The following BSN variants were observed in gnomAD, a reference collection of about 807,000 sequenced individuals.
The protein encoded by BSN is protein bassoon.
BSN carries 57 observed loss-of-function variants against 264.8 expected under a neutral mutation model. That is an observed-to-expected ratio of 0.22 (90% confidence interval 0.17 to 0.27). The LOEUF (loss-of-function observed/expected upper bound fraction) is 0.27. Ranked by LOEUF, BSN falls within the 10% of genes least tolerant of loss-of-function variation. The probability of loss-of-function intolerance (pLI) is 1.00; values close to 1 mark genes in which losing one functional copy is unlikely to be tolerated. For synonymous variants in BSN, 2,059 were observed against 2,137.3 expected (o/e 0.96, Z 1.01); for missense variants, 4,615 against 5,232.5 (o/e 0.88, Z 3.64).
chr3:49,655,475 A>T lies in BSN; in HGVS notation c.5919A>T (p.Pro1973=). 1 of 1,588,234 alleles carries T rather than the reference A, an allele frequency of 6.3e-7. No individual in the cohort carries two copies. Among genetic ancestry groups the T allele is most frequent in the Non-Finnish European group, 8.6e-7 (1 of 1,165,084 alleles). ...CCCATGAGGAGCAGAGGCCCTACCC[A>T]CAAGGCCTGCCTGGTAGGCTGTACT... ...PGPHEEQRPY[P]QGLPGRLYSS... is the part of the protein sequence containing the mutation. Residue 1973 remains proline, a synonymous_variant, in exon 5 of 12, where the codon CCA becomes CCT. Transcript: ENST00000296452.
rs191641206 is a variant in BSN, at chr3:49,618,902, T to A, written c.225-6073T>A. Among the ~76,000 whole-genome samples, 310 of 152,306 alleles carry A rather than the reference T, an allele frequency of 2.0e-3. 7 individuals carry two copies. In the East Asian group the frequency reaches 0.04, roughly 20 times the overall value. Reference sequence around the variant, plus strand: ...CTGGACTCCTATATGAATCATTTTTTAAAAAAATATTTTAATTAAATATTA... The same window carrying A: ...CTGGACTCCTATATGAATCATTTTTAAAAAAAATATTTTAATTAAATATTA... On this transcript the variant is annotated intron_variant, in intron 1 of 11. Coordinates refer to ENST00000296452, the MANE Select transcript of BSN (RefSeq NM_003458.4).
chr3:49,657,238 G>C lies in BSN; in HGVS notation c.7682G>C (p.Arg2561Pro). 6.2e-7 allele frequency: 1 copy of C among 1,613,500 alleles called. No individual in the cohort carries two copies. The highest frequency in any genetic ancestry group is 8.5e-7 in the Non-Finnish European group (1 of 1,180,038). ...ATCAAGAAGCGGCACTCCATGCCAC[G>C]CCTGCGGGATGCCTGTGAGCTAGAG... is the stretch of plus-strand genomic sequence containing the variant. Reference protein sequence around the residue: ...SGIKKRHSMPRLRDACELESG... With the variant: ...SGIKKRHSMPPLRDACELESG... Residue 2561 changes from arginine (R) to proline (P), a missense_variant, in exon 5 of 12, where the codon CGC (arginine) becomes CCC (proline). Coordinates refer to ENST00000296452, the MANE Select transcript of BSN (RefSeq NM_003458.4).
rs1158194794 is a variant in BSN at position 49,554,665 on chromosome 3, C to CGGCCCCGGCCCG, written c.75_86dup (p.Pro29_Gly32dup). The CGGCCCCGGCCCG allele has an allele frequency of 2.0e-5, 20 of 991,006 alleles. No homozygotes were observed. Among genetic ancestry groups the CGGCCCCGGCCCG allele is most frequent in the Non-Finnish European group, 2.0e-5 (17 of 834,374 alleles). 61.4% of individuals were successfully genotyped at this position (991,006 alleles called of 1,614,324 possible). ...ACGGGCCGCTGCCGCCCGGCGGCGC[C>CGGCCCCGGCCCG]GGCCCCGGCCCGGGCCCCGGCCCCG... On this transcript the variant is annotated inframe_insertion, in exon 1 of 12. Transcript: ENST00000296452.
chr3:49,595,507 A>G (rs1421479020), intron 1 of BSN, among the ~76,000 whole-genome samples: 2 of 149,148 alleles, frequency 1.3e-5, no homozygotes, highest in Non-Finnish European at 3.0e-5. Context: ...TTTTTTTTTT[A>G]AAGAGACAGT....
chr3:49,609,198 C>T (rs1041309304), intron 1 of BSN, among the ~76,000 whole-genome samples: 4 of 149,646 alleles, frequency 2.7e-5, no homozygotes, highest in African/African-American at 9.9e-5. Context: ...ACCTCCTAGG[C>T]TCAAGGGATC....
Position 49,556,918 on chromosome 3 carries a change from T to C in BSN, c.224+2092T>C, listed in dbSNP as rs149012287. 5.9e-5 allele frequency among the ~76,000 whole-genome samples: 9 copies of C among 152,300 alleles called. No individual in the cohort carries two copies. The East Asian group carries it at 9.7e-4, about 16-fold the overall frequency. ...AATTTCGGGGCAGTCAGAAACCTCA[T>C]AGAGGTGGGTAGAAGGCCAGGTAAA... On this transcript the variant is annotated intron_variant, in intron 1 of 11. Transcript: ENST00000296452.
intron 11 of BSN, among the ~76,000 whole-genome samples, chr3:49,665,871 T>G (rs2108101819): frequency 6.6e-6 from 1 of 152,316 alleles, no homozygotes; most frequent in African/African-American, 2.4e-5. Context: ...CTAAGTCAGC[T>G]CAGGGAGAGG....
rs996735891 is a variant in BSN, at chr3:49,585,152, A to C, written c.224+30326A>C. ...TTGATTTCCTTTCTTTTGGGTGGAT[A>C]CCCAGTGGTGGGATTGATGGATCAT... On this transcript the variant is annotated intron_variant, in intron 1 of 11. Coordinates refer to ENST00000296452, the MANE Select transcript of BSN (RefSeq NM_003458.4). This position sits in a 1 kb window ranked among gnomAD's most constrained non-coding sequence, Gnocchi z 4.7. Among the ~76,000 whole-genome samples the C allele has an allele frequency of 9.9e-5, 15 of 151,566 alleles. No individual in the cohort carries two copies. The highest frequency in any genetic ancestry group is 2.2e-4 in the Non-Finnish European group (15 of 67,916).
chr3:49,672,634 C>T (rs1235448491), downstream of BSN, among the ~76,000 whole-genome samples: 2 of 151,690 alleles, frequency 1.3e-5, no homozygotes, highest in African/African-American at 4.8e-5. Context: ...GCGCGTGCCA[C>T]CCAGCCCGGC....
intron 1 of BSN, among the ~76,000 whole-genome samples, chr3:49,567,514 C>T (rs1367221490): frequency 6.6e-6 from 1 of 152,230 alleles, no homozygotes; most frequent in African/African-American, 2.4e-5. Flanking sequence ...CAGTGTGTCT[C>T]TCATCTTCCC....
intron 1 of BSN, among the ~76,000 whole-genome samples, chr3:49,562,917 T>C (rs1316387164): frequency 6.6e-6 from 1 of 152,152 alleles, no homozygotes. Context: ...GCACGTTGGG[T>C]ATGTCCTTGG....
intron 1 of BSN, among the ~76,000 whole-genome samples, chr3:49,590,298 T>A (rs908595294): frequency 1.3e-5 from 2 of 152,166 alleles, no homozygotes; most frequent in Admixed American, 6.5e-5. Flanking sequence ...ATATGTCCTT[T>A]AGATAGCCTT....
Position 49,662,356 on chromosome 3 carries a change from A to G in BSN, c.10511A>G (p.Glu3504Gly). The G allele has an allele frequency of 1.2e-6, 2 of 1,613,420 alleles. No homozygotes were observed. The highest frequency in any genetic ancestry group is 1.7e-6 in the Non-Finnish European group (2 of 1,179,716). The stretch of plus-strand genomic sequence containing the variant: ...CCCATGCGGAGCCAGGCCTCTGAAG[A>G]GGAGAGCCCCGTCAGTCCTTTGGGG... ...RPPMRSQASE[E>G]ESPVSPLGRP... The change falls in exon 6 of 12, where the codon GAG becomes GGG. Residue 3504 changes from glutamate (E) to glycine (G), a missense_variant. By Grantham distance (98) the Glu-to-Gly change is moderately conservative (BLOSUM62 -2). Coordinates refer to ENST00000296452, the MANE Select transcript of BSN (RefSeq NM_003458.4).
chr3:49,563,033 C>G (rs1428360649), intron 1 of BSN, among the ~76,000 whole-genome samples: 2 of 152,130 alleles, frequency 1.3e-5, no homozygotes, highest in African/African-American at 4.8e-5. Context: ...GGTGATGCTT[C>G]CCATTTTTCT....
Position 49,624,980 on chromosome 3 carries a change from C to G in BSN, c.230C>G (p.Ser77Cys). Residue 77 changes from serine (S) to cysteine (C), a missense_variant, in exon 2 of 12, where the codon TCC (serine) becomes TGC (cysteine). Around this residue, in one of 3 missense-constraint regions of BSN, gnomAD observed 1,197 missense variants for 1,348.0 expected, o/e 0.89. Coordinates refer to ENST00000296452, the MANE Select transcript of BSN (RefSeq NM_003458.4). The part of the protein sequence containing the change: ...PGPGPGPGST[S>C]RRLDPKEPLG... ...CATTTTCAATGTCATTTCAGCACTT[C>G]CCGGAGACTGGACCCCAAGGAACCC... is the stretch of plus-strand genomic sequence containing the variant. The G allele has an allele frequency of 6.6e-7, 1 of 1,514,572 alleles. No individual in the cohort carries two copies. The highest frequency in any genetic ancestry group is 1.3e-5 in the South Asian group (1 of 76,106). The allele number at this position is 1,514,572 out of a possible 1,614,324, so 93.8% of individuals were successfully genotyped here.
At position 49,625,463 on chromosome 3, in the gene BSN, C is replaced by A; in HGVS notation, c.633+80C>A. On this transcript the variant is annotated intron_variant, in intron 2 of 11. Coordinates refer to ENST00000296452, the MANE Select transcript of BSN (RefSeq NM_003458.4). The surrounding 1 kb of genome is among the most constrained non-coding windows in gnomAD (Gnocchi z 4.4). ...CCCTGGTTCCCTTCCCCTCTTTCACCAACTCTCTTTTCCTGGTCATTTCCC... is the reference window on the plus strand; with the variant it reads ...CCCTGGTTCCCTTCCCCTCTTTCACAAACTCTCTTTTCCTGGTCATTTCCC... The A allele has an allele frequency of 2.3e-6, 3 of 1,306,812 alleles. No homozygotes were observed. The highest frequency in any genetic ancestry group is 2.8e-5 in the East Asian group (1 of 35,186). The allele number at this position is 1,306,812 out of a possible 1,614,324, so 81.0% of individuals were successfully genotyped here.
intron 1 of BSN, among the ~76,000 whole-genome samples, chr3:49,562,432 T>C (rs1442816266): frequency 1.3e-5 from 2 of 152,240 alleles, no homozygotes; most frequent in Non-Finnish European, 2.9e-5. Context: ...CCTCAACTTC[T>C]TCTTCCTTAA....
rs190736254 is a variant in BSN, at chr3:49,584,087, G to A, written c.224+29261G>A. On this transcript the variant is annotated intron_variant, in intron 1 of 11. Coordinates refer to ENST00000296452, the MANE Select transcript of BSN (RefSeq NM_003458.4). ...TTTTTAGTAGAGACGGGGTTTCACC[G>A]TGTTAGCCAGGAGGGTCTCGATCTC... Among the ~76,000 whole-genome samples, 1,064 of 151,818 alleles carry A rather than the reference G, an allele frequency of 7.0e-3. 4 individuals carry two copies. Among genetic ancestry groups the A allele is most frequent in the Middle Eastern group, 0.034 (10 of 294 alleles).
At chr3:49,572,218 T>A (rs1003925772) in intron 1 of BSN, among the ~76,000 whole-genome samples, 1 of 152,212 alleles carries the variant, frequency 6.6e-6, no homozygotes, top group Non-Finnish European at 1.5e-5. Context: ...ATAAAAACTT[T>A]TTGGGACAAA....
Sources: gnomAD v4.1 joint callset for allele counts (sites outside exome capture counted in the v4.1 genomes callset) on GRCh38, gnomAD v4.1.1 for gene constraint, gnomAD v4.1.1 regional missense constraint, Gnocchi (gnomAD v3.1) non-coding constraint, MANE v1.5 for transcripts, NCBI Gene and HGNC (gene_info 2026-07-23, HGNC 2026-07-21) for gene names.